PCDHGA1: variants seen among roughly 807,000 people sequenced by gnomAD.
PCDHGA1 encodes the protein protocadherin gamma subfamily A, 1, also known as protocadherin gamma-A1.
PCDHGA1 carries 32 observed loss-of-function variants against 58.0 expected under a neutral mutation model. The ratio of observed to expected loss-of-function variants is 0.55; its 90% CI spans 0.42 to 0.74. The LOEUF (loss-of-function observed/expected upper bound fraction) is 0.74. Ranked by LOEUF, PCDHGA1 falls within the 30% of genes least tolerant of loss-of-function variation. The pLI is 0.00. For synonymous variants in PCDHGA1, 498 were observed against 501.1 expected (o/e 0.99, Z 0.08); for missense variants, 1,205 against 1,182.3 (o/e 1.02, Z -0.28).
intron 1 of PCDHGA1, among the ~76,000 whole-genome samples, chr5:141,406,353 T>G (rs1380718525): frequency 6.6e-6 from 1 of 152,196 alleles, no homozygotes; most frequent in Admixed American, 6.5e-5. Context: ...CAGGTCATAC[T>G]ATGTTTGTAA....
intron 3 of PCDHGA1, among the ~76,000 whole-genome samples, chr5:141,508,930 T>A (rs2099873149): frequency 6.6e-6 from 1 of 151,836 alleles, no homozygotes; most frequent in African/African-American, 2.4e-5. Context: ...CTTTTGGAGT[T>A]AATTAGGGAA....
chr5:141,427,105 A>C (rs1413188668), intron 1 of PCDHGA1: 1 of 457,776 alleles, frequency 2.2e-6, no homozygotes, highest in Non-Finnish European at 4.4e-6. Flanking sequence ...GTCAATGCGG[A>C]GATCACCTAC....
At chr5:141,481,024 C>CTGGA (rs1200299352) in intron 1 of PCDHGA1, among the ~76,000 whole-genome samples, 3 of 152,122 alleles carry the variant, frequency 2.0e-5, no homozygotes, top group Admixed American at 1.3e-4. Flanking sequence ...CACCACTGCA[C>CTGGA]TCCAGCCTGG....
intron 1 of PCDHGA1, chr5:141,371,315 G>A: frequency 6.2e-7 from 1 of 1,613,958 alleles, no homozygotes; most frequent in Non-Finnish European, 8.5e-7. Context: ...TTGGAGAACT[G>A]GACTTTGAAG....
intron 1 of PCDHGA1, among the ~76,000 whole-genome samples, chr5:141,368,345 A>G (rs1765594153): frequency 6.6e-6 from 1 of 152,166 alleles, no homozygotes; most frequent in South Asian, 2.1e-4. Context: ...ATATACATAT[A>G]CACACACATA....
intron 1 of PCDHGA1, chr5:141,384,177 TG>T: frequency 6.2e-7 from 1 of 1,613,838 alleles, no homozygotes; most frequent in South Asian, 1.1e-5. Context: ...AAGCCACAGA[TG>T]GTGGAACTCC....
chr5:141,356,740 C>A, intron 1 of PCDHGA1: 2 of 1,614,016 alleles, frequency 1.2e-6, no homozygotes, highest in Non-Finnish European at 1.7e-6. Flanking sequence ...TACAGGGATC[C>A]TATATGCTCT....
At chr5:141,408,329 A>C (rs2095085203) in intron 1 of PCDHGA1, 1 of 1,613,580 alleles carries the variant, frequency 6.2e-7, no homozygotes, top group Non-Finnish European at 8.5e-7. Context: ...GGAGCTGGCC[A>C]AGGGCTCGGT....
At chr5:141,406,021 G>A (rs530576205) in intron 1 of PCDHGA1, among the ~76,000 whole-genome samples, 1 of 151,382 alleles carries the variant, frequency 6.6e-6, no homozygotes, top group East Asian at 1.9e-4. Context: ...GGCTTTTTGG[G>A]TAGGGTTGCT....
chr5:141,475,899 T>A, intron 1 of PCDHGA1: 1 of 574,766 alleles, frequency 1.7e-6, no homozygotes. Flanking sequence ...TGTGTGCCGC[T>A]GTCGGCCAAT....
At chr5:141,351,426 A>C (rs1195735664) in intron 1 of PCDHGA1, 2 of 1,611,328 alleles carry the variant, frequency 1.2e-6, no homozygotes, top group Admixed American at 3.4e-5. Context: ...GTTCCTTTCA[A>C]ATTAGAATCC....
chr5:141,432,685 C>T lies in PCDHGA1; in HGVS notation c.2422-62122C>T, dbSNP rs1561863583. 1 of 1,613,932 alleles carries T rather than the reference C, an allele frequency of 6.2e-7. No individual in the cohort carries two copies. The highest frequency in any genetic ancestry group is 1.7e-5 in the Admixed American group (1 of 60,020). ...ACAGAGACGCGCTCAAGCAGAGCCT[C>T]GTAGTGGCCGTCCAGGACCACGGCC... On this transcript the variant is annotated intron_variant, in intron 1 of 3. Coordinates refer to ENST00000517417, the MANE Select transcript of PCDHGA1 (RefSeq NM_018912.3). This position sits in a 1 kb window ranked among gnomAD's most constrained non-coding sequence, Gnocchi z 6.0.
At chr5:141,423,797 C>A in intron 1 of PCDHGA1, 2 of 1,249,164 alleles carry the variant, frequency 1.6e-6, no homozygotes, top group African/African-American at 1.6e-5. Flanking sequence ...ATATTTAGAG[C>A]AATACATGTG....
intron 1 of PCDHGA1, chr5:141,360,527 C>T (rs763036184): frequency 2.5e-6 from 4 of 1,613,910 alleles, no homozygotes; most frequent in Admixed American, 3.3e-5. Flanking sequence ...GATAATACCC[C>T]GCTATTCAAA....
chr5:141,474,412 C>T (rs1282336092), intron 1 of PCDHGA1, among the ~76,000 whole-genome samples: 2 of 152,220 alleles, frequency 1.3e-5, no homozygotes, highest in African/African-American at 2.4e-5. Context: ...CCGGTGATGC[C>T]TAGACCATTG....
intron 3 of PCDHGA1, among the ~76,000 whole-genome samples, chr5:141,507,898 C>T (rs577177417): frequency 1.3e-5 from 2 of 152,310 alleles, no homozygotes; most frequent in East Asian, 1.9e-4. Flanking sequence ...TTCCTGAAGT[C>T]CAGCCCAGCC....
intron 1 of PCDHGA1, chr5:141,423,031 A>G (rs761268652): frequency 1.2e-6 from 2 of 1,614,096 alleles, no homozygotes; most frequent in East Asian, 2.2e-5. Flanking sequence ...TTCAGGCCAG[A>G]ACGCCTGGCT....
In PCDHGA1 at chr5:141,487,819, C is replaced by A; in HGVS notation, c.2422-6988C>A. 2.3e-6 allele frequency: 3 copies of A among 1,285,528 alleles called. No homozygotes were observed. Among genetic ancestry groups the A allele is most frequent in the Non-Finnish European group, 3.2e-6 (3 of 932,998 alleles). 79.6% of individuals were successfully genotyped at this position (1,285,528 alleles called of 1,614,324 possible). On this transcript the variant is annotated intron_variant, in intron 1 of 3. Transcript: ENST00000517417. This position sits in a 1 kb window ranked among gnomAD's most constrained non-coding sequence, Gnocchi z 5.0. ...AGTTGTCACAGTTTAGCATTGGGGG[C>A]GGGTCATGCCTATATCTGAGTAAGA...
At chr5:141,375,248 A>G (rs1487300196) in intron 1 of PCDHGA1, 2 of 1,613,948 alleles carry the variant, frequency 1.2e-6, no homozygotes, top group South Asian at 2.2e-5. Flanking sequence ...CATCCCGAGA[A>G]GTCTCCCATT....
Sources: gnomAD v4.1 joint callset for allele counts (sites outside exome capture counted in the v4.1 genomes callset) on GRCh38, gnomAD v4.1.1 for gene constraint, Gnocchi (gnomAD v3.1) non-coding constraint, MANE v1.5 for transcripts, NCBI Gene and HGNC (gene_info 2026-07-23, HGNC 2026-07-21) for gene names.